Variants in ABCB9 observed in about 807,000 individuals in gnomAD.
ABCB9 encodes the protein ATP binding cassette subfamily B member 9, also known as ABC-type oligopeptide transporter ABCB9.
Under a neutral mutation model 62.0 loss-of-function variants are expected in ABCB9, and 36 were observed. That is an observed-to-expected ratio of 0.58 (90% CI 0.45 to 0.77). The LOEUF (loss-of-function observed/expected upper bound fraction) is 0.77. Ranked by LOEUF, ABCB9 falls within the 30% of genes least tolerant of loss-of-function variation. The pLI is 0.00. For synonymous variants in ABCB9, 435 were observed against 461.4 expected (o/e 0.94, Z 0.73); for missense variants, 943 against 1,054.7 (o/e 0.89, Z 1.47).
chr12:122,930,165 G>T lies in ABCB9; in HGVS notation c.2047C>A (p.Gln683Lys). ...LDAESEYLIQ[Q>K]AIHGNLQKHT... ...TTCTGCAGGTTGCCATGGATGGCCT[G>T]CTGGATCTGCGGGGACAGTGGGGGC... The change falls in exon 12 of 12, where the codon CAG becomes AAG. Residue 683 changes from glutamine to lysine, a missense_variant. Coordinates refer to ENST00000280560, the MANE Select transcript of ABCB9 (RefSeq NM_019625.4). The surrounding 1 kb of genome is among the most constrained non-coding windows in gnomAD (Gnocchi z 4.9). The T allele has an allele frequency of 6.5e-7, 1 of 1,546,332 alleles. No homozygotes were observed.
downstream of ABCB9, among the ~76,000 whole-genome samples, chr12:122,920,060 T>C (rs1259764721): frequency 6.6e-6 from 1 of 152,006 alleles, no homozygotes; most frequent in Non-Finnish European, 1.5e-5. Flanking sequence ...TTTGTGTTTT[T>C]AGTAGAGATG....
At chr12:122,952,663 A>G (rs1452442503) in intron 2 of ABCB9, 1 of 152,266 alleles carries the variant, frequency 6.6e-6, no homozygotes, top group East Asian at 1.9e-4. Context: ...ATTCTGGAAT[A>G]TCTGATTCCA....
At chr12:122,924,728 T>C (rs1283150822), downstream of ABCB9, 1 of 1,532,756 alleles carries the variant, frequency 6.5e-7, no homozygotes, top group Non-Finnish European at 8.7e-7. Flanking sequence ...TCCCTGCTTG[T>C]TTTCCTCATC....
At position 122,944,605 on chromosome 12, in the gene ABCB9, G is replaced by A. The variant is rs1594021476; in HGVS notation, c.1252-86C>T. 6.4e-7 allele frequency: 1 copy of A among 1,554,646 alleles called. No homozygotes were observed. Among genetic ancestry groups the A allele is most frequent in the Non-Finnish European group, 8.7e-7 (1 of 1,147,548 alleles). Reference sequence around the variant, plus strand: ...TCCCTGACCCATCCCAGGCTGCAGGGGGAGGTGAGGGCAGACCCAGCCACA... The same window carrying A: ...TCCCTGACCCATCCCAGGCTGCAGGAGGAGGTGAGGGCAGACCCAGCCACA... On this transcript the variant is annotated intron_variant, in intron 6 of 11. Transcript: ENST00000280560. The surrounding 1 kb of genome is among the most constrained non-coding windows in gnomAD (Gnocchi z 4.9).
At position 122,960,062 on chromosome 12, in the gene ABCB9, G is replaced by A; in HGVS notation, c.174C>T (p.Ser58=). The change falls in exon 2 of 12, where the codon AGC becomes AGT. Residue 58 remains serine, a synonymous_variant. Coordinates refer to ENST00000280560, the MANE Select transcript of ABCB9 (RefSeq NM_019625.4). ...CAATGGTGGCTCCCAGCAGCAGGCA[G>A]CTGCGGTACAGGCAGGCTGCCCAGA... The part of the protein sequence containing the change: ...LDLWAACLYR[S]CLLLGATIGV... The A allele has an allele frequency of 6.2e-7, 1 of 1,613,528 alleles. No homozygotes were observed. The highest frequency in any genetic ancestry group is 8.5e-7 in the Non-Finnish European group (1 of 1,180,042).
At position 122,929,471 on chromosome 12, in the gene ABCB9, T is replaced by A. The variant is rs998001700; in HGVS notation, c.*440A>T. 1.0e-6 allele frequency: 1 copy of A among 990,914 alleles called. No homozygotes were observed. Among genetic ancestry groups the A allele is most frequent in the African/African-American group, 1.7e-5 (1 of 57,496 alleles). The allele number at this position is 990,914 out of a possible 1,614,324, so 61.4% of individuals were successfully genotyped here. A position where few individuals can be genotyped will look rare whatever the true frequency, so the allele number is the denominator to read the frequency against. ...TCTGGAGGGGTAAAGGGGAGAGGCC[T>A]AGTCTCTGGACATCCCCCAGGCTAC... is the stretch of plus-strand genomic sequence containing the variant. On this transcript the variant is annotated 3_prime_UTR_variant, in exon 12 of 12. Coordinates refer to ENST00000280560, the MANE Select transcript of ABCB9 (RefSeq NM_019625.4). This position sits in a 1 kb window ranked among gnomAD's most constrained non-coding sequence, Gnocchi z 6.0.
chr12:122,947,680 G>A lies in ABCB9; in HGVS notation c.1053+944C>T, dbSNP rs763274696. The A allele has an allele frequency of 3.2e-5, 9 of 283,814 alleles. No homozygotes were observed. The highest frequency in any genetic ancestry group is 5.7e-5 in the South Asian group (2 of 35,390). The allele number at this position is 283,814 out of a possible 1,614,324, so 17.6% of individuals were successfully genotyped here. On this transcript the variant is annotated intron_variant, in intron 5 of 11. Transcript: ENST00000280560. The surrounding 1 kb of genome is among the most constrained non-coding windows in gnomAD (Gnocchi z 6.0). ...GAGGGTGAGGTCAAACCTGGCTCAC[G>A]GCCCTAGCTCGGAAGCAGAAGCAGT... is the stretch of plus-strand genomic sequence containing the variant.
intron 2 of ABCB9, among the ~76,000 whole-genome samples, chr12:122,955,692 GT>G: frequency 6.6e-6 from 1 of 151,820 alleles, no homozygotes; most frequent in East Asian, 1.9e-4. Context: ...TAAATGCATA[GT>G]TTTTTGGGTT....
In ABCB9 at chr12:122,930,062, C is replaced by T. The variant is rs376322922; in HGVS notation, c.2150G>A (p.Arg717His). 75 of 1,567,556 alleles carry T rather than the reference C, an allele frequency of 4.8e-5. No homozygotes were observed. In the Admixed American group the frequency reaches 7.2e-4, roughly 15 times the overall value. ...AHLIVVLDKG[R>H]VVQQGTHQQL... ...CTGGTGGGTGCCCTGCTGCACTACGCGGCCCTTGTCCAGCACCACAATGAG... is the reference window on the plus strand; with the variant it reads ...CTGGTGGGTGCCCTGCTGCACTACGTGGCCCTTGTCCAGCACCACAATGAG... Residue 717 changes from arginine (R) to histidine (H), a missense_variant, in exon 12 of 12, where the codon CGC becomes CAC. Coordinates refer to ENST00000280560, the MANE Select transcript of ABCB9 (RefSeq NM_019625.4). The surrounding 1 kb of genome is among the most constrained non-coding windows in gnomAD (Gnocchi z 4.9).
At chr12:122,942,134 G>T (rs1273519276) in intron 7 of ABCB9, among the ~76,000 whole-genome samples, 1 of 152,162 alleles carries the variant, frequency 6.6e-6, no homozygotes, top group Admixed American at 6.6e-5. Flanking sequence ...AGGTCACAGA[G>T]CCTAGAAGTG....
At chr12:122,955,722 T>TG (rs945726453) in intron 2 of ABCB9, among the ~76,000 whole-genome samples, 40 of 151,976 alleles carry the variant, frequency 2.6e-4, no homozygotes, top group African/African-American at 9.4e-4. Flanking sequence ...TTTGTTTTTT[T>TG]TTTTTTTGAG....
intron 2 of ABCB9, among the ~76,000 whole-genome samples, chr12:122,954,358 G>A (rs1410576270): frequency 1.3e-5 from 2 of 152,132 alleles, no homozygotes; most frequent in African/African-American, 2.4e-5. Flanking sequence ...ACAGGCATGC[G>A]CCACCACACC....
At chr12:122,948,940 C>T (rs2036202648) in intron 4 of ABCB9, 111 bp from the exon 5 acceptor site, 2 of 520,886 alleles carry the variant, frequency 3.8e-6, no homozygotes, top group Non-Finnish European at 6.0e-6. Context: ...GCCTCCCTAC[C>T]TGTGGGCGGG....
In ABCB9 at chr12:122,932,367, G is replaced by A; in HGVS notation, c.1904-39C>T. ...GCACAGAGACAATTTAGCAATGGGTGAGGCCGGGCAGCACCGGGGAAGAGT... is the reference window on the plus strand; with the variant it reads ...GCACAGAGACAATTTAGCAATGGGTAAGGCCGGGCAGCACCGGGGAAGAGT... On this transcript the variant is annotated intron_variant, in intron 10 of 11. Coordinates refer to ENST00000280560, the MANE Select transcript of ABCB9 (RefSeq NM_019625.4). This position sits in a 1 kb window ranked among gnomAD's most constrained non-coding sequence, Gnocchi z 4.7. 1.3e-6 allele frequency: 2 copies of A among 1,531,784 alleles called. No homozygotes were observed. Among genetic ancestry groups the A allele is most frequent in the Non-Finnish European group, 1.8e-6 (2 of 1,133,886 alleles). 94.9% of individuals were successfully genotyped at this position (1,531,784 alleles called of 1,614,324 possible).
intron 9 of ABCB9, among the ~76,000 whole-genome samples, chr12:122,937,408 G>T (rs2035516590): frequency 6.6e-6 from 1 of 151,240 alleles, no homozygotes; most frequent in Non-Finnish European, 1.5e-5. Context: ...ATTAAGAGAG[G>T]CTATTCATGA....
Position 122,948,663 on chromosome 12 carries a change from G to A in ABCB9, c.1014C>T (p.Ile338=). The part of the protein sequence containing the change: ...LSLVTFMGFP[I]IMMVSNIYGK... ...CGTAGATGTTGGACACCATCATGAT[G>A]ATGGGGAAGCCCATGAAGGTGACCA... The change falls in exon 5 of 12, where the codon ATC becomes ATT. Residue 338 remains isoleucine, a synonymous_variant. Transcript: ENST00000280560. 1.2e-6 allele frequency: 2 copies of A among 1,613,968 alleles called. No homozygotes were observed. Among genetic ancestry groups the A allele is most frequent in the Non-Finnish European group, 1.7e-6 (2 of 1,179,906 alleles).
At chr12:122,956,990 C>A (rs781494437) in intron 2 of ABCB9, among the ~76,000 whole-genome samples, 2 of 151,932 alleles carry the variant, frequency 1.3e-5, no homozygotes, top group Non-Finnish European at 2.9e-5. Context: ...AGCTAACAAC[C>A]CTGAGCACTT....
downstream of ABCB9, among the ~76,000 whole-genome samples, chr12:122,925,748 AAAC>A (rs749261591): frequency 5.9e-5 from 9 of 152,026 alleles, no homozygotes; most frequent in East Asian, 1.9e-4. Context: ...ACTCCGTCTC[AAAC>A]AACAACAACA....
intron 5 of ABCB9, 68 bp from the exon 6 acceptor site, chr12:122,946,290 G>C: frequency 6.4e-7 from 1 of 1,553,730 alleles, no homozygotes; most frequent in African/African-American, 1.4e-5. Context: ...GGAGCCCCCA[G>C]GCCTCTCTGG....
Sources: gnomAD v4.1 joint callset for allele counts (sites outside exome capture counted in the v4.1 genomes callset) on GRCh38, gnomAD v4.1.1 for gene constraint, Gnocchi (gnomAD v3.1) non-coding constraint, MANE v1.5 for transcripts, NCBI Gene and HGNC (gene_info 2026-07-23, HGNC 2026-07-21) for gene names.